XDH: variants seen among roughly 807,000 people sequenced by gnomAD.
XDH encodes the protein xanthine dehydrogenase/oxidase.
Under a neutral mutation model 156.1 loss-of-function variants are expected in XDH, and 138 were observed. That is an observed-to-expected ratio of 0.88 (90% CI 0.77 to 1.02). The LOEUF (loss-of-function observed/expected upper bound fraction) is 1.02. Among genes scored for constraint, XDH ranks in the 50% least tolerant of loss-of-function variants. The pLI is 0.00. For missense variants in XDH, 1,849 were observed against 1,684.9 expected (o/e 1.10, Z -1.71); for synonymous variants, 669 against 625.7 (o/e 1.07, Z -1.03).
At chr2:31,346,439 A>G (rs7598968) in intron 30 of XDH, among the ~76,000 whole-genome samples, 115,385 of 151,972 alleles carry the variant, frequency 0.76, 43,905 homozygotes, top group East Asian at 0.84. Flanking sequence ...GAGCAGACCC[A>G]CTGAGTCAAG....
intron 2 of XDH, among the ~76,000 whole-genome samples, chr2:31,404,309 C>T (rs574388100): frequency 2.6e-5 from 4 of 152,212 alleles, no homozygotes; most frequent in East Asian, 1.9e-4. Context: ...CACCTGAAGA[C>T]GAATGGTGGC....
chr2:31,343,719 A>G (rs933185713), intron 31 of XDH, among the ~76,000 whole-genome samples: 4 of 149,242 alleles, frequency 2.7e-5, no homozygotes, highest in Non-Finnish European at 5.9e-5. Context: ...ATATCTATAC[A>G]TATATATTAG....
chr2:31,369,635 T>C (rs901733885), intron 18 of XDH, among the ~76,000 whole-genome samples: 1 of 152,244 alleles, frequency 6.6e-6, no homozygotes, highest in African/African-American at 2.4e-5. Context: ...TGACTTTCAC[T>C]AGCCATAATG....
chr2:31,371,407 T>C (rs1246465318), intron 17 of XDH, among the ~76,000 whole-genome samples: 1 of 152,192 alleles, frequency 6.6e-6, no homozygotes, highest in African/African-American at 2.4e-5. Flanking sequence ...GTGACTGGGA[T>C]TATTGGAACT....
chr2:31,370,401 T>C lies in XDH; in HGVS notation c.1934A>G (p.Asn645Ser). 1 of 1,614,208 alleles carries C rather than the reference T, an allele frequency of 6.2e-7. No homozygotes were observed. Among genetic ancestry groups the C allele is most frequent in the Non-Finnish European group, 8.5e-7 (1 of 1,180,024 alleles). ...FISADDVPGS[N>S]ITGICNDETV... ...CTCATCATTACAAATTCCAGTTATG[T>C]TACTCCCAGGAACATCATCAGCGGA... is the stretch of plus-strand genomic sequence containing the variant. The change falls in exon 18 of 36, where the codon AAC becomes AGC. Residue 645 changes from asparagine to serine, a missense_variant. Coordinates refer to ENST00000379416, the MANE Select transcript of XDH (RefSeq NM_000379.4).
chr2:31,376,883 G>T (rs1480166159), intron 14 of XDH, among the ~76,000 whole-genome samples, 170 bp downstream of exon 14: 1 of 150,600 alleles, frequency 6.6e-6, no homozygotes, highest in Non-Finnish European at 1.5e-5. Context: ...TAGCAACTGT[G>T]GTTATAGTAG....
At chr2:31,366,708 C>G (rs1685923384) in intron 21 of XDH, among the ~76,000 whole-genome samples, 162 bp downstream of exon 21, 1 of 152,182 alleles carries the variant, frequency 6.6e-6, no homozygotes, top group Non-Finnish European at 1.5e-5. Flanking sequence ...GTCAGTGATA[C>G]CAGCTTGTTG....
At position 31,383,045 on chromosome 2, in the gene XDH, C is replaced by T. The variant is rs2148781613; in HGVS notation, c.994G>A (p.Glu332Lys). 2 of 1,614,168 alleles carry T rather than the reference C, an allele frequency of 1.2e-6. No individual in the cohort carries two copies. Among genetic ancestry groups the T allele is most frequent in the East Asian group, 4.5e-5 (2 of 44,878 alleles). The change falls in exon 11 of 36, where the codon GAG becomes AAG. Residue 332 changes from glutamate (E) to lysine (K), a missense_variant. Glu to Lys is a moderately conservative substitution (Grantham distance 56). Coordinates refer to ENST00000379416, the MANE Select transcript of XDH (RefSeq NM_000379.4). ...QKTEVFRGVL[E>K]QLRWFAGKQV... ...TTCCCAGCAAACCAGCGCAGCTGCT[C>T]CAGGACCCCTCTGAACACCTCTGTC...
intron 24 of XDH, among the ~76,000 whole-genome samples, chr2:31,352,900 T>TTTC (rs397770309): frequency 6.6e-6 from 1 of 151,376 alleles, no homozygotes; most frequent in African/African-American, 2.4e-5. Flanking sequence ...TTTTTTTTTT[T>TTTC]CAAAGAGACA....
chr2:31,381,824 A>G, intron 11 of XDH, 98 bp from the exon 12 acceptor site: 1 of 1,092,284 alleles, frequency 9.2e-7, no homozygotes, highest in Non-Finnish European at 1.4e-6. Context: ...CACCTGCTGC[A>G]GGCAAACCCC....
intron 24 of XDH, among the ~76,000 whole-genome samples, chr2:31,354,539 T>C (rs567463486): frequency 1.3e-5 from 2 of 151,932 alleles, no homozygotes; most frequent in African/African-American, 2.4e-5. Flanking sequence ...TTGACAGAAA[T>C]AAAAAGCTTC....
chr2:31,408,827 C>T (rs981119985), intron 1 of XDH, among the ~76,000 whole-genome samples: 8 of 152,198 alleles, frequency 5.3e-5, no homozygotes, highest in African/African-American at 1.9e-4. Context: ...AAACAGATAC[C>T]TGCACTCCTA....
At chr2:31,403,445 T>G (rs1397918295) in intron 2 of XDH, among the ~76,000 whole-genome samples, 1 of 152,172 alleles carries the variant, frequency 6.6e-6, no homozygotes, top group Non-Finnish European at 1.5e-5. Context: ...TCCTAGAGCC[T>G]TCTCTTGGGT....
chr2:31,402,993 G>T (rs1687101641), intron 3 of XDH, 55 bp downstream of exon 3: 33 of 1,593,122 alleles, frequency 2.1e-5, no homozygotes, highest in Non-Finnish European at 2.7e-5. Context: ...TCCCTCACAA[G>T]CTGGTCCTGC....
At position 31,398,601 on chromosome 2, in the gene XDH, G is replaced by A. The variant is rs72549370; in HGVS notation, c.405C>T (p.Thr135=). ...GGAAGGCATTCTCAATCTCCTCCAT[G>A]GTGGGCTCGGGCTGATTCCGGAGCA... ...YTLLRNQPEP[T]MEEIENAFQG... is the part of the protein sequence containing the mutation. The change falls in exon 5 of 36, where the codon ACC becomes ACT. Residue 135 remains threonine (T), a synonymous_variant. Transcript: ENST00000379416. The A allele has an allele frequency of 4.5e-3, 7,333 of 1,613,442 alleles. 27 individuals carry two copies. The highest frequency in any genetic ancestry group is 5.9e-3 in the Non-Finnish European group (6,929 of 1,179,572).
intron 20 of XDH, among the ~76,000 whole-genome samples, chr2:31,367,579 A>G (rs1685952452): frequency 6.6e-6 from 1 of 152,118 alleles, no homozygotes; most frequent in African/African-American, 2.4e-5. Context: ...AGGGAAGAGG[A>G]GGGAGGATGC....
chr2:31,345,529 G>T (rs567452269), intron 30 of XDH, among the ~76,000 whole-genome samples: 1 of 152,078 alleles, frequency 6.6e-6, no homozygotes, highest in Admixed American at 6.5e-5. Context: ...TGTCACACGC[G>T]CTATTTAGCA....
chr2:31,368,794 T>C, intron 18 of XDH, 134 bp from the exon 19 acceptor site: 1 of 1,522,608 alleles, frequency 6.6e-7, no homozygotes, highest in Non-Finnish European at 8.9e-7. Flanking sequence ...CCCTAGGGCC[T>C]CTTAATTTCC....
intron 2 of XDH, among the ~76,000 whole-genome samples, chr2:31,405,211 T>G (rs991836758): frequency 2.0e-5 from 3 of 151,000 alleles, no homozygotes; most frequent in Non-Finnish European, 3.0e-5. Context: ...TGAGGTGAGC[T>G]GCACAAATCA....
Sources: allele counts gnomAD v4.1 joint callset (sites outside exome capture counted in the v4.1 genomes callset), GRCh38; gene constraint gnomAD v4.1.1; transcripts MANE v1.5; gene names NCBI Gene and HGNC (gene_info 2026-07-23, HGNC 2026-07-21).